The following KAT14 variants were observed in gnomAD, a reference collection of about 807,000 sequenced individuals.
KAT14 encodes lysine acetyltransferase 14, also known as cysteine-rich protein 2-binding protein.
In KAT14, 66 loss-of-function variants were observed where a neutral mutation model predicts 78.4. That is an observed-to-expected ratio of 0.84 (90% CI 0.69 to 1.03). The LOEUF is 1.03. KAT14 is among the 50% of genes least tolerant of loss of function. The probability of loss-of-function intolerance (pLI) is 0.00; values close to 1 mark genes in which losing one functional copy is unlikely to be tolerated. For synonymous variants in KAT14, 344 were observed against 359.4 expected (o/e 0.96, Z 0.48); for missense variants, 870 against 972.5 (o/e 0.89, Z 1.40).
At chr20:18,140,201 G>A (rs184037310) in intron 1 of KAT14, among the ~76,000 whole-genome samples, 3 of 152,066 alleles carry the variant, frequency 2.0e-5, no homozygotes, top group Admixed American at 6.5e-5. Context: ...GTATCGGTGT[G>A]TCATGGTGTA....
chr20:18,138,600 C>A, intron 1 of KAT14: 2 of 331,052 alleles, frequency 6.0e-6, no homozygotes, highest in Non-Finnish European at 8.6e-6. Flanking sequence ...TGCCTTTGAC[C>A]AAGATAATTT....
intron 7 of KAT14, among the ~76,000 whole-genome samples, chr20:18,179,467 A>G (rs1240558944): frequency 6.6e-6 from 1 of 152,234 alleles, no homozygotes; most frequent in African/African-American, 2.4e-5. Flanking sequence ...CCAAACCTCA[A>G]TTCTGGACTT....
chr20:18,146,696 G>C (rs1025301881), intron 3 of KAT14, among the ~76,000 whole-genome samples: 21 of 151,794 alleles, frequency 1.4e-4, no homozygotes, highest in Non-Finnish European at 7.4e-5. Flanking sequence ...ACAAAAATTA[G>C]CTGAATGTGG....
intron 7 of KAT14, among the ~76,000 whole-genome samples, chr20:18,181,455 G>A (rs1256932187): frequency 7.3e-6 from 1 of 137,608 alleles, no homozygotes; most frequent in Non-Finnish European, 1.5e-5. Flanking sequence ...TGCAAGCTCC[G>A]CCTCCTGGGT....
chr20:18,150,717 C>T, intron 3 of KAT14, 104 bp from the exon 4 acceptor site: 3 of 1,545,802 alleles, frequency 1.9e-6, no homozygotes, highest in Admixed American at 3.8e-5. Flanking sequence ...CTCTGTTCCC[C>T]ACCATTCCTA....
At chr20:18,137,795 C>G, upstream of KAT14, 3 of 710,168 alleles carry the variant, frequency 4.2e-6, no homozygotes, top group Non-Finnish European at 6.2e-6. Flanking sequence ...ATGCTCGGCT[C>G]TCGATTGCTC....
Position 18,183,275 on chromosome 20 carries a change from T to A in KAT14, c.1958T>A (p.Met653Lys), listed in dbSNP as rs755568945. 1.9e-6 allele frequency: 3 copies of A among 1,613,954 alleles called. No homozygotes were observed. The Admixed American group carries it at 5.0e-5, about 27-fold the overall frequency. Residue 653 changes from methionine (M) to lysine (K), a missense_variant, in exon 9 of 11, where the codon ATG becomes AAG. Met to Lys is a moderately conservative substitution (Grantham distance 95). Coordinates refer to ENST00000688188, the MANE Select transcript of KAT14 (RefSeq NM_001392073.1). ...RPNHIPTINS[M>K]CQEFFWPGID... The stretch of plus-strand genomic sequence containing the variant: ...AATCACATCCCAACGATCAACTCCA[T>A]GTGTCAGGAGTTTTTTTGGCCTGGT...
At chr20:18,179,289 A>AG (rs2039162397) in intron 7 of KAT14, among the ~76,000 whole-genome samples, 1 of 152,096 alleles carries the variant, frequency 6.6e-6, no homozygotes, top group Non-Finnish European at 1.5e-5. Flanking sequence ...CCCTCTTCTC[A>AG]CAGCTAGGCA....
At chr20:18,169,910 TATGGA>T (rs1288680748) in intron 7 of KAT14, among the ~76,000 whole-genome samples, 1 of 152,172 alleles carries the variant, frequency 6.6e-6, no homozygotes, top group Non-Finnish European at 1.5e-5. Flanking sequence ...TTATTGCTGA[TATGGA>T]GAAAGTTTGA....
intron 5 of KAT14, among the ~76,000 whole-genome samples, chr20:18,160,332 T>A (rs1481266751): frequency 6.6e-6 from 1 of 152,240 alleles, no homozygotes; most frequent in Non-Finnish European, 1.5e-5. Context: ...TGTTGTCTTT[T>A]GTGAATACTT....
intron 7 of KAT14, among the ~76,000 whole-genome samples, chr20:18,171,947 A>G (rs1347482956): frequency 1.3e-5 from 2 of 152,218 alleles, no homozygotes; most frequent in African/African-American, 4.8e-5. Context: ...GCAACCATCA[A>G]TATTGAGGCA....
At chr20:18,137,425 G>C (rs940498895), upstream of KAT14, among the ~76,000 whole-genome samples, 1 of 152,198 alleles carries the variant, frequency 6.6e-6, no homozygotes, top group Non-Finnish European at 1.5e-5. Context: ...GGAACCCCGC[G>C]CCTCTGAAGC....
At chr20:18,183,789 TA>T (rs766094946) in intron 9 of KAT14, among the ~76,000 whole-genome samples, 1 of 152,234 alleles carries the variant, frequency 6.6e-6, no homozygotes, top group Admixed American at 6.5e-5. Flanking sequence ...TTATCAGCCT[TA>T]ACAAAATTGC....
intron 1 of KAT14, chr20:18,138,365 G>A: frequency 9.3e-7 from 1 of 1,073,574 alleles, no homozygotes; most frequent in East Asian, 6.0e-5. Flanking sequence ...GGGGTGCCCA[G>A]TGGCTCTGTT....
At chr20:18,170,738 C>T (rs781771727) in intron 7 of KAT14, among the ~76,000 whole-genome samples, 2 of 152,094 alleles carry the variant, frequency 1.3e-5, no homozygotes, top group East Asian at 1.9e-4. Flanking sequence ...GGGATTTCAC[C>T]GTGTTAGCCA....
intron 7 of KAT14, among the ~76,000 whole-genome samples, chr20:18,163,654 G>A (rs1195432405): frequency 6.6e-6 from 1 of 152,186 alleles, no homozygotes; most frequent in Non-Finnish European, 1.5e-5. Flanking sequence ...CCTGTTTGGA[G>A]TCTGCATGTT....
At chr20:18,184,158 CTTATAAA>C (rs2039365909) in intron 9 of KAT14, among the ~76,000 whole-genome samples, 1 of 152,316 alleles carries the variant, frequency 6.6e-6, no homozygotes, top group African/African-American at 2.4e-5. Flanking sequence ...TACAAAAGAA[CTTATAAA>C]TTATATGTGT....
Position 18,139,356 on chromosome 20 carries a change from C to T in KAT14, c.-454+1305C>T, listed in dbSNP as rs1416119390. ...AAATTTAGTATGACAGATGATCTGACGTCAGTGAAGTGATGTTTGAAGGGT... is the reference window on the plus strand; with the variant it reads ...AAATTTAGTATGACAGATGATCTGATGTCAGTGAAGTGATGTTTGAAGGGT... On this transcript the variant is annotated intron_variant, in intron 1 of 10. Transcript: ENST00000688188. Among the ~76,000 whole-genome samples, 3 of 152,146 alleles carry T rather than the reference C, an allele frequency of 2.0e-5. No individual in the cohort carries two copies. The East Asian group carries it at 5.8e-4, about 29-fold the overall frequency.
At chr20:18,142,110 A>G in intron 1 of KAT14, 98 bp from the exon 2 acceptor site, 1 of 1,232,264 alleles carries the variant, frequency 8.1e-7, no homozygotes, top group Non-Finnish European at 1.1e-6. Context: ...TGAAAGTTTT[A>G]AGTATATTTT....
Sources: gnomAD v4.1 joint callset for allele counts (sites outside exome capture counted in the v4.1 genomes callset) on GRCh38, gnomAD v4.1.1 for gene constraint, MANE v1.5 for transcripts, NCBI Gene and HGNC (gene_info 2026-07-23, HGNC 2026-07-21) for gene names.